Variants in RBFOX1 observed in about 807,000 individuals in gnomAD.
The protein encoded by RBFOX1 is RNA binding protein fox-1 homolog 1.
A neutral mutation model predicts 57.7 loss-of-function variants in RBFOX1; 8 were observed. The observed-to-expected ratio is 0.14, with a 90% CI of 0.08 to 0.25. The LOEUF (loss-of-function observed/expected upper bound fraction) is 0.25, where lower values mean the gene tolerates loss of function less well. RBFOX1 is among the 10% of genes least tolerant of loss of function. The pLI is 1.00. For missense variants in RBFOX1, 611 were observed against 548.5 expected (o/e 1.11, Z -1.14); for synonymous variants, 326 against 222.4 (o/e 1.47, Z -4.15).
At chr16:7,646,105 A>G (rs2063688597) in intron 11 of RBFOX1, among the ~76,000 whole-genome samples, 1 of 152,220 alleles carries the variant, frequency 6.6e-6, no homozygotes. Flanking sequence ...AGTTGTCTGT[A>G]AAATCCTATG....
intron 3 of RBFOX1, among the ~76,000 whole-genome samples, chr16:6,658,218 T>C (rs1174376762): frequency 6.6e-6 from 1 of 152,020 alleles, no homozygotes; most frequent in Non-Finnish European, 1.5e-5. Context: ...AAACTGTGAA[T>C]TTCAACAGTG....
intron 3 of RBFOX1, among the ~76,000 whole-genome samples, chr16:6,840,810 C>A (rs978839787): frequency 6.7e-6 from 1 of 148,150 alleles, no homozygotes; most frequent in African/African-American, 2.5e-5. Flanking sequence ...TTGCTTGATC[C>A]TGGGAGGTGG....
chr16:6,868,674 G>A (rs1268466649), intron 3 of RBFOX1, among the ~76,000 whole-genome samples: 1 of 152,122 alleles, frequency 6.6e-6, no homozygotes, highest in Non-Finnish European at 1.5e-5. Context: ...GTTTCACCAT[G>A]TTGGCCAGGC....
chr16:5,513,777 C>T (rs2043690363), intron 2 of RBFOX1, among the ~76,000 whole-genome samples: 1 of 151,956 alleles, frequency 6.6e-6, no homozygotes, highest in South Asian at 2.1e-4. Flanking sequence ...CATCTGGGCC[C>T]TAGTTTTTTT....
At chr16:6,281,690 A>G (rs1450914208) in intron 1 of RBFOX1, among the ~76,000 whole-genome samples, 3 of 152,198 alleles carry the variant, frequency 2.0e-5, no homozygotes, top group African/African-American at 7.2e-5. Flanking sequence ...ACGTAATAAC[A>G]ACACTATTCA....
chr16:7,020,220 T>C (rs2094136808), intron 3 of RBFOX1, among the ~76,000 whole-genome samples: 1 of 152,130 alleles, frequency 6.6e-6, no homozygotes, highest in African/African-American at 2.4e-5. Context: ...GTTTCTTTGT[T>C]TCTTTCTTTA....
intron 4 of RBFOX1, among the ~76,000 whole-genome samples, chr16:7,363,082 G>C (rs1207446254): frequency 6.6e-6 from 1 of 152,124 alleles, no homozygotes; most frequent in Non-Finnish European, 1.5e-5. Flanking sequence ...GAGAGCAATG[G>C]GATGCGCTGA....
intron 3 of RBFOX1, among the ~76,000 whole-genome samples, chr16:6,918,569 G>T (rs968285996): frequency 2.0e-5 from 3 of 152,056 alleles, no homozygotes; most frequent in African/African-American, 4.8e-5. Flanking sequence ...ATCATTTAAA[G>T]AATAAGTAAC....
chr16:6,237,506 G>C (rs1477141017), intron 1 of RBFOX1, among the ~76,000 whole-genome samples: 2 of 152,138 alleles, frequency 1.3e-5, no homozygotes, highest in African/African-American at 4.8e-5. Context: ...CTTATTGGGA[G>C]GCCAACACAG....
chr16:7,250,326 TATTA>T (rs1438269633), intron 4 of RBFOX1, among the ~76,000 whole-genome samples: 1 of 152,206 alleles, frequency 6.6e-6, no homozygotes. Flanking sequence ...GGGATGCTTA[TATTA>T]ATTGTTTACT....
intron 4 of RBFOX1, among the ~76,000 whole-genome samples, chr16:7,184,885 C>T (rs966367312): frequency 4.6e-5 from 7 of 152,126 alleles, no homozygotes; most frequent in Admixed American, 3.3e-4. Context: ...ATAATGTTTA[C>T]ACATGGGTAA....
rs1245673366 is a variant in RBFOX1 at position 5,598,993 on chromosome 16, A to G, written c.350A>G (p.Asp117Gly). The change falls in exon 3 of 3, where the codon GAT (aspartate) becomes GGT (glycine). Residue 117 changes from aspartate to glycine, a missense_variant. Asp to Gly is a moderately conservative substitution (Grantham distance 94). Coordinates refer to the RBFOX1 transcript ENST00000585867. ...AGAAGCATTTTGCTGAACAGATTAG[A>G]TTTTGAAACTACTTTTGCATCCTTT... 9 of 1,490,414 alleles carry G rather than the reference A, an allele frequency of 6.0e-6. No individual in the cohort carries two copies. The Admixed American group carries it at 1.2e-4, about 20-fold the overall frequency. The allele number at this position is 1,490,414 out of a possible 1,614,324, so 92.3% of individuals were successfully genotyped here. A position where few individuals can be genotyped will look rare whatever the true frequency, so the allele number is the denominator to read the frequency against.
intron 4 of RBFOX1, among the ~76,000 whole-genome samples, chr16:7,105,692 CTCTA>C (rs751030424): frequency 3.9e-5 from 6 of 151,942 alleles, no homozygotes; most frequent in Admixed American, 2.6e-4. Context: ...CTGTCTATCT[CTCTA>C]TATATATCTA....
intron 4 of RBFOX1, among the ~76,000 whole-genome samples, chr16:7,093,400 G>T (rs958550931): frequency 6.6e-6 from 1 of 152,088 alleles, no homozygotes; most frequent in Non-Finnish European, 1.5e-5. Flanking sequence ...TGTTTTTCTT[G>T]CATACCCAGC....
intron 2 of RBFOX1, among the ~76,000 whole-genome samples, chr16:6,631,839 C>T (rs2098388805): frequency 6.6e-6 from 1 of 151,726 alleles, no homozygotes; most frequent in Non-Finnish European, 1.5e-5. Flanking sequence ...ATGCAAACAC[C>T]CCAAGGTGGC....
chr16:5,333,722 C>T (rs999988853), intron 1 of RBFOX1, among the ~76,000 whole-genome samples: 1 of 152,196 alleles, frequency 6.6e-6, no homozygotes, highest in Non-Finnish European at 1.5e-5. Flanking sequence ...ATGGTATAGT[C>T]TGCTACACAC....
chr16:6,483,465 C>G (rs7187463), intron 2 of RBFOX1: 2 of 1,535,562 alleles, frequency 1.3e-6, no homozygotes, highest in African/African-American at 2.7e-5. Flanking sequence ...CTGTGTTTTC[C>G]CGGTGAGGAA....
intron 1 of RBFOX1, among the ~76,000 whole-genome samples, chr16:6,063,505 ACC>A (rs1209507857): frequency 0.14 from 4,142 of 30,200 alleles, 101 homozygotes; most frequent in Non-Finnish European, 0.17. Flanking sequence ...ACACACACAC[ACC>A]CCCTTATATT....
chr16:5,904,781 T>A (rs963610295), intron 4 of RBFOX1, among the ~76,000 whole-genome samples: 2 of 151,448 alleles, frequency 1.3e-5, no homozygotes, highest in Admixed American at 6.6e-5. Context: ...ATCAAGACCA[T>A]CCTGGCTAAC....
Sources: gnomAD v4.1 joint callset for allele counts (sites outside exome capture counted in the v4.1 genomes callset) on GRCh38, gnomAD v4.1.1 for gene constraint, MANE v1.5 for transcripts, NCBI Gene and HGNC (gene_info 2026-07-23, HGNC 2026-07-21) for gene names.